MCC: variants seen among roughly 807,000 people sequenced by gnomAD.
The protein encoded by MCC is MCC regulator of Wnt signaling pathway.
In MCC, 90 loss-of-function variants were observed where a neutral mutation model predicts 116.2. The observed-to-expected ratio is 0.77, with a 90% CI of 0.65 to 0.92. The LOEUF (loss-of-function observed/expected upper bound fraction) is 0.92, where lower values mean the gene tolerates loss of function less well. Among genes scored for constraint, MCC ranks in the 40% least tolerant of loss-of-function variants. The pLI is 0.00. For missense variants in MCC, 1,516 were observed against 1,312.2 expected (o/e 1.16, Z -2.40); for synonymous variants, 578 against 510.5 (o/e 1.13, Z -1.78).
At chr5:113,396,766 T>C (rs947611923) in intron 1 of MCC, among the ~76,000 whole-genome samples, 2 of 152,226 alleles carry the variant, frequency 1.3e-5, no homozygotes, top group African/African-American at 4.8e-5. Context: ...TTCTTCACTG[T>C]TGTATTCCCA....
intron 5 of MCC, among the ~76,000 whole-genome samples, chr5:113,142,972 C>T (rs539664704): frequency 3.9e-5 from 6 of 152,310 alleles, no homozygotes; most frequent in Admixed American, 3.3e-4. Context: ...ACCTTGTCTA[C>T]TTTCCAGGGC....
intron 5 of MCC, among the ~76,000 whole-genome samples, chr5:113,138,574 G>C (rs78298704): frequency 6.6e-6 from 1 of 152,174 alleles, no homozygotes; most frequent in South Asian, 2.1e-4. Context: ...CTTAATCTTA[G>C]ACTTCCCAGC....
intron 1 of MCC, among the ~76,000 whole-genome samples, chr5:113,405,356 G>A (rs906049410): frequency 1.3e-5 from 2 of 152,204 alleles, no homozygotes; most frequent in African/African-American, 2.4e-5. Flanking sequence ...AAGAGCATCA[G>A]TATATAAGAT....
chr5:113,333,829 A>ACATATATG (rs1767773607), intron 3 of MCC, among the ~76,000 whole-genome samples: 1 of 24,436 alleles, frequency 4.1e-5, no homozygotes, highest in Admixed American at 4.0e-4. Context: ...ACATATATGT[A>ACATATATG]TATATGTATA....
intron 1 of MCC, among the ~76,000 whole-genome samples, chr5:113,457,734 G>T (rs171179): frequency 0.86 from 112,593 of 130,342 alleles, 49,725 homozygotes; most frequent in East Asian, 0.97. Flanking sequence ...TAGCTCAGGG[G>T]TTGTGAGTGC....
At chr5:113,270,028 G>A (rs1370245653) in intron 3 of MCC, among the ~76,000 whole-genome samples, 1 of 152,226 alleles carries the variant, frequency 6.6e-6, no homozygotes, top group Admixed American at 6.5e-5. Flanking sequence ...TTCAGGGAAA[G>A]AGGTGGGAAG....
intron 11 of MCC, among the ~76,000 whole-genome samples, chr5:113,072,064 G>A (rs1161590977): frequency 6.6e-6 from 1 of 152,172 alleles, no homozygotes; most frequent in Admixed American, 6.5e-5. Flanking sequence ...CAGCTTCTCC[G>A]TTTTCCATCT....
intron 3 of MCC, among the ~76,000 whole-genome samples, chr5:113,297,574 T>A (rs116239701): frequency 0.017 from 2,484 of 147,920 alleles, 75 homozygotes; most frequent in African/African-American, 0.055. Context: ...CAAAAAAAAA[T>A]AATAATAATA....
intron 3 of MCC, among the ~76,000 whole-genome samples, chr5:113,287,785 C>T (rs2150359814): frequency 6.6e-6 from 1 of 152,348 alleles, no homozygotes. Context: ...CCATGACATT[C>T]CCTACTCTAG....
intron 5 of MCC, among the ~76,000 whole-genome samples, chr5:113,134,213 A>G (rs572789146): frequency 6.6e-6 from 1 of 152,226 alleles, no homozygotes; most frequent in East Asian, 1.9e-4. Flanking sequence ...TTCAGGTCTT[A>G]TGTCTAGGTT....
chr5:113,195,281 C>T lies in MCC; in HGVS notation c.628-43859G>A, dbSNP rs749695665. 7.9e-5 allele frequency among the ~76,000 whole-genome samples: 12 copies of T among 152,174 alleles called. 1 individual carries two copies. Among genetic ancestry groups the T allele is most frequent in the South Asian group, 4.2e-4 (2 of 4,818 alleles). On this transcript the variant is annotated intron_variant, in intron 3 of 18. Transcript: ENST00000408903. ...AGTGTTCCTTAATGGCACCCAGCAT[C>T]GGGAATGTAGAACCTCTACCAGCAC...
At chr5:113,352,342 T>C (rs1349135353) in intron 2 of MCC, among the ~76,000 whole-genome samples, 1 of 152,146 alleles carries the variant, frequency 6.6e-6, no homozygotes, top group Non-Finnish European at 1.5e-5. Flanking sequence ...ACAGCCTGTG[T>C]TCACCTCCTT....
intron 1 of MCC, among the ~76,000 whole-genome samples, chr5:113,390,342 G>T (rs1769372748): frequency 6.6e-6 from 1 of 152,098 alleles, no homozygotes; most frequent in African/African-American, 2.4e-5. Flanking sequence ...ATCTTCAGAT[G>T]ATATCATCAT....
intron 1 of MCC, among the ~76,000 whole-genome samples, chr5:113,389,276 T>C (rs1362232558): frequency 6.6e-6 from 1 of 152,218 alleles, no homozygotes; most frequent in East Asian, 1.9e-4. Flanking sequence ...CCTGTGACTA[T>C]GCCTCTTTAC....
intron 8 of MCC, among the ~76,000 whole-genome samples, chr5:113,087,290 G>A (rs1454093146): frequency 6.6e-6 from 1 of 152,206 alleles, no homozygotes; most frequent in East Asian, 1.9e-4. Flanking sequence ...TAGTGCAACA[G>A]CTCAAAAGTG....
At chr5:113,146,615 T>C (rs1759537714) in intron 4 of MCC, among the ~76,000 whole-genome samples, 1 of 152,130 alleles carries the variant, frequency 6.6e-6, no homozygotes, top group South Asian at 2.1e-4. Flanking sequence ...TCAAAGTCTC[T>C]CTAGCTTCCA....
chr5:113,128,695 A>C (rs1488728573), intron 5 of MCC, among the ~76,000 whole-genome samples: 1 of 152,220 alleles, frequency 6.6e-6, no homozygotes, highest in Non-Finnish European at 1.5e-5. Flanking sequence ...AAGAACTTCC[A>C]AATATTAAAA....
At chr5:113,370,138 A>C (rs545826284) in intron 2 of MCC, among the ~76,000 whole-genome samples, 5 of 152,318 alleles carry the variant, frequency 3.3e-5, no homozygotes, top group African/African-American at 1.2e-4. Context: ...CAAACCTCTT[A>C]TTCTACACAG....
intron 1 of MCC, among the ~76,000 whole-genome samples, chr5:113,429,215 G>T (rs1310190214): frequency 6.6e-6 from 1 of 152,110 alleles, no homozygotes; most frequent in Non-Finnish European, 1.5e-5. Context: ...AATGTGAAAT[G>T]TGGGTCGTAA....
Sources: gnomAD v4.1 joint callset for allele counts (sites outside exome capture counted in the v4.1 genomes callset) on GRCh38, gnomAD v4.1.1 for gene constraint, MANE v1.5 for transcripts, NCBI Gene and HGNC (gene_info 2026-07-23, HGNC 2026-07-21) for gene names.